ACOT9: variants seen among roughly 807,000 people sequenced by gnomAD.
ACOT9 encodes the protein acyl-CoA thioesterase 9.
Under a neutral mutation model 39.7 loss-of-function variants are expected in ACOT9, and 34 were observed. That is an observed-to-expected ratio of 0.86 (90% CI 0.65 to 1.14). The LOEUF is 1.14. ACOT9 is among the 50% of genes most tolerant of loss of function. The pLI is 0.00. For synonymous variants in ACOT9, 110 were observed against 120.5 expected (o/e 0.91, Z 0.57); for missense variants, 313 against 344.1 (o/e 0.91, Z 0.71).
At chrX:23,725,451 A>C (rs1302594186) in intron 6 of ACOT9, among the ~76,000 whole-genome samples, 28 of 92,768 alleles carry the variant, frequency 3.0e-4, no homozygotes, top group African/African-American at 1.1e-3. Context: ...AGTCTAGGTG[A>C]CAGAGTGAGA....
intron 7 of ACOT9, among the ~76,000 whole-genome samples, chrX:23,722,432 C>T (rs1191136904): frequency 9.1e-6 from 1 of 110,125 alleles, no homozygotes; most frequent in African/African-American, 3.3e-5. Context: ...GGCGTGGTGG[C>T]ACATGCCTGT....
At chrX:23,726,859 C>T (rs746237886) in intron 6 of ACOT9, among the ~76,000 whole-genome samples, 1 of 111,275 alleles carries the variant, frequency 9.0e-6, no homozygotes, top group Non-Finnish European at 1.9e-5. Flanking sequence ...GACAGAGTCT[C>T]GCTCTGTTGT....
intron 8 of ACOT9, among the ~76,000 whole-genome samples, 154 bp downstream of exon 8, chrX:23,721,727 T>C (rs1039245781): frequency 8.9e-6 from 1 of 112,351 alleles, no homozygotes; most frequent in African/African-American, 3.2e-5. Flanking sequence ...AGGATATTAA[T>C]AACCCACCAT....
chrX:23,704,409 T>C (rs1601801471), intron 15 of ACOT9, among the ~76,000 whole-genome samples: 1 of 105,142 alleles, frequency 9.5e-6, no homozygotes, highest in Middle Eastern at 4.8e-3. Context: ...CTCGATCTCC[T>C]GAACTCGTGA....
At chrX:23,729,795 C>T (rs1252299518) in intron 6 of ACOT9, among the ~76,000 whole-genome samples, 1 of 110,520 alleles carries the variant, frequency 9.0e-6, no homozygotes, top group Admixed American at 9.7e-5. Context: ...CCACGCCTGG[C>T]TAATTTTTTG....
At chrX:23,716,815 T>A (rs895540204) in intron 8 of ACOT9, among the ~76,000 whole-genome samples, 1 of 110,195 alleles carries the variant, frequency 9.1e-6, no homozygotes, top group Non-Finnish European at 1.9e-5. Context: ...GCCTCCCGAG[T>A]GGCTGGGATC....
At chrX:23,713,531 A>C (rs1459249763) in intron 8 of ACOT9, among the ~76,000 whole-genome samples, 4 of 102,554 alleles carry the variant, frequency 3.9e-5, no homozygotes, top group African/African-American at 1.4e-4. Context: ...GTGAGCCGAG[A>C]TTGCAGGCCC....
chrX:23,727,747 C>T (rs1336407566), intron 6 of ACOT9, among the ~76,000 whole-genome samples: 1 of 101,517 alleles, frequency 9.9e-6, no homozygotes, highest in Non-Finnish European at 2.0e-5. Flanking sequence ...ACCTGTAATC[C>T]CAGCACTTTG....
chrX:23,743,248 T>C lies in ACOT9; in HGVS notation c.-104A>G. 1 of 1,001,373 alleles carries C rather than the reference T, an allele frequency of 1.0e-6. No homozygotes were observed. Among genetic ancestry groups the C allele is most frequent in the South Asian group, 2.7e-5 (1 of 37,528 alleles). The allele number at this position is 1,001,373 out of a possible 1,213,427, so 82.5% of individuals were successfully genotyped here. The stretch of plus-strand genomic sequence containing the variant: ...ACGCACGAGTACCAGACCGCGCCCT[T>C]GCTGAGGACAGCCCGGGAGCCGGAC... On this transcript the variant is annotated 5_prime_UTR_variant, in exon 1 of 16. Coordinates refer to ENST00000379303, the MANE Select transcript of ACOT9 (RefSeq NM_001037171.2).
At chrX:23,704,220 G>C (rs1203078069) in intron 15 of ACOT9, among the ~76,000 whole-genome samples, 2 of 100,190 alleles carry the variant, frequency 2.0e-5, no homozygotes, top group African/African-American at 7.6e-5. Context: ...GCCCAGACTG[G>C]AGTGCAGTGG....
At position 23,703,840 on chromosome X, in the gene ACOT9, T is replaced by A. The variant is rs1270976589; in HGVS notation, c.*54A>T. On this transcript the variant is annotated 3_prime_UTR_variant, in exon 16 of 16. Coordinates refer to ENST00000379303, the MANE Select transcript of ACOT9 (RefSeq NM_001037171.2). Reference sequence around the variant, plus strand: ...ATCAATACACTCGATCAGGTCTTCATCAGATACCACGTCACTGTGGGTAGA... The same window carrying A: ...ATCAATACACTCGATCAGGTCTTCAACAGATACCACGTCACTGTGGGTAGA... 4 of 1,028,151 alleles carry A rather than the reference T, an allele frequency of 3.9e-6. No homozygotes were observed. Among genetic ancestry groups the A allele is most frequent in the Non-Finnish European group, 5.5e-6 (4 of 731,292 alleles). The allele number at this position is 1,028,151 out of a possible 1,213,427, so 84.7% of individuals were successfully genotyped here. A position where few individuals can be genotyped will look rare whatever the true frequency, so the allele number is the denominator to read the frequency against.
At chrX:23,704,904 A>G in intron 14 of ACOT9, 60 bp from the exon 15 acceptor site, 1 of 1,178,755 alleles carries the variant, frequency 8.5e-7, no homozygotes, top group Non-Finnish European at 1.1e-6. Context: ...AAAGGCAGTC[A>G]TAAGAGAAAA....
chrX:23,733,761 T>C (rs1236060685), intron 3 of ACOT9, among the ~76,000 whole-genome samples: 3 of 109,812 alleles, frequency 2.7e-5, no homozygotes, highest in African/African-American at 1.0e-4. Context: ...TGTAGTTTTG[T>C]TTTGTTTTGT....
chrX:23,734,258 A>G (rs1254400435), intron 3 of ACOT9, 83 bp downstream of exon 3: 8 of 838,023 alleles, frequency 9.5e-6, no homozygotes, highest in Non-Finnish European at 1.2e-5. Flanking sequence ...AGTTAATGCC[A>G]CTGCCCAAAA....
chrX:23,742,977 G>A, intron 1 of ACOT9, 148 bp downstream of exon 1: 1 of 708,763 alleles, frequency 1.4e-6, no homozygotes, highest in Non-Finnish European at 1.9e-6. Flanking sequence ...TCCGGTCGGA[G>A]GTACAGTGGG....
At chrX:23,741,103 CTAAACT>C (rs1375302943) in intron 1 of ACOT9, among the ~76,000 whole-genome samples, 3 of 108,277 alleles carry the variant, frequency 2.8e-5, no homozygotes, top group East Asian at 2.9e-4. Flanking sequence ...CACATGTACC[CTAAACT>C]TAAAGTATAA....
At chrX:23,712,247 A>G (rs1928921573) in intron 9 of ACOT9, among the ~76,000 whole-genome samples, 1 of 108,396 alleles carries the variant, frequency 9.2e-6, no homozygotes, top group African/African-American at 3.4e-5. Context: ...TCTACTAAAA[A>G]TACAAAAATT....
At chrX:23,734,276 C>T in intron 3 of ACOT9, 65 bp downstream of exon 3, 17 of 982,091 alleles carry the variant, frequency 1.7e-5, no homozygotes, top group Admixed American at 2.8e-5. Context: ...AAAGTGCAAG[C>T]GTATATTAGT....
chrX:23,718,643 C>A (rs192113600), intron 8 of ACOT9, among the ~76,000 whole-genome samples: 1 of 111,591 alleles, frequency 9.0e-6, no homozygotes, highest in African/African-American at 3.3e-5. Flanking sequence ...CGGTGGCTCA[C>A]GCCTGTAATC....
Sources: gnomAD v4.1 joint callset for allele counts (sites outside exome capture counted in the v4.1 genomes callset) on GRCh38, gnomAD v4.1.1 for gene constraint, MANE v1.5 for transcripts, NCBI Gene and HGNC (gene_info 2026-07-23, HGNC 2026-07-21) for gene names.